BRD2: variants seen among roughly 807,000 people sequenced by gnomAD.
The protein encoded by BRD2 is bromodomain-containing protein 2.
A neutral mutation model predicts 79.1 loss-of-function variants in BRD2; 15 were observed. That is an observed-to-expected ratio of 0.19 (90% CI 0.13 to 0.29). The LOEUF (loss-of-function observed/expected upper bound fraction) is 0.29, where lower values mean the gene tolerates loss of function less well. Ranked by LOEUF, BRD2 falls within the 10% of genes least tolerant of loss-of-function variation. The pLI is 1.00. For missense variants in BRD2, 1,053 were observed against 991.3 expected (o/e 1.06, Z -0.84); for synonymous variants, 488 against 358.6 (o/e 1.36, Z -4.08).
intron 11 of BRD2, 85 bp from the exon 12 acceptor site, chr6:32,980,257 C>A: frequency 6.3e-7 from 1 of 1,583,890 alleles, no homozygotes; most frequent in Non-Finnish European, 8.6e-7. Flanking sequence ...AGCTGACGTT[C>A]AAGAAGGGAA....
Position 32,972,184 on chromosome 6 carries a change from C to G in BRD2, c.-715C>G, listed in dbSNP as rs988764421. 7 of 562,936 alleles carry G rather than the reference C, an allele frequency of 1.2e-5. No individual in the cohort carries two copies. The highest frequency in any genetic ancestry group is 1.9e-5 in the South Asian group (1 of 52,848). The allele number at this position is 562,936 out of a possible 1,614,324, so 34.9% of individuals were successfully genotyped here. ...CCCGCCTATATATAAAGGGCTGGCG[C>G]GGGGCTCGGCGGCGCCATTTCGTGC... On this transcript the variant is annotated 5_prime_UTR_variant, in exon 2 of 13. Transcript: ENST00000374825.
In BRD2 at chr6:32,977,528, T is replaced by TCCC; in HGVS notation, c.1290_1292dup (p.Pro431dup). The TCCC allele has an allele frequency of 6.2e-7, 1 of 1,613,864 alleles. No homozygotes were observed. Among genetic ancestry groups the TCCC allele is most frequent in the Non-Finnish European group, 8.5e-7 (1 of 1,180,010 alleles). ...TGTTCTCCAACTGCTATAAGTACAA[T>TCCC]CCCCCAGATCACGATGTTGTGGCAA... On this transcript the variant is annotated inframe_insertion, in exon 8 of 13. Coordinates refer to ENST00000374825, the MANE Select transcript of BRD2 (RefSeq NM_005104.4).
At position 32,972,756 on chromosome 6, in the gene BRD2, C is replaced by A; in HGVS notation, c.-143C>A. On this transcript the variant is annotated 5_prime_UTR_variant, in exon 2 of 13. Coordinates refer to ENST00000374825, the MANE Select transcript of BRD2 (RefSeq NM_005104.4). ...CCAAAGAGACTGCTTTCGTGCCGGC[C>A]AGGCAGGGGGTTTGTCGCCTGGAGG... is the stretch of plus-strand genomic sequence containing the variant. The A allele has an allele frequency of 3.9e-6, 5 of 1,284,710 alleles. No individual in the cohort carries two copies. The highest frequency in any genetic ancestry group is 5.5e-6 in the Non-Finnish European group (5 of 904,604). The allele number at this position is 1,284,710 out of a possible 1,614,324, so 79.6% of individuals were successfully genotyped here. A position where few individuals can be genotyped will look rare whatever the true frequency, so the allele number is the denominator to read the frequency against.
In BRD2 at chr6:32,976,429, G is replaced by C; in HGVS notation, c.790G>C (p.Val264Leu). Residue 264 changes from valine (V) to leucine (L), a missense_variant, in exon 6 of 13, where the codon GTT becomes CTT. Transcript: ENST00000374825. ...CTCTGCTGGACCCCCGCTCCTTGCT[G>C]TTACTGCAGCTCCTCCAGCCCAGCC... Reference protein sequence around the residue: ...LHSAGPPLLAVTAAPPAQPLA... With the variant: ...LHSAGPPLLALTAAPPAQPLA... 1 of 1,611,788 alleles carries C rather than the reference G, an allele frequency of 6.2e-7. No homozygotes were observed. Among genetic ancestry groups the C allele is most frequent in the Non-Finnish European group, 8.5e-7 (1 of 1,180,026 alleles).
At chr6:32,969,111 G>A (rs1777716850) in intron 1 of BRD2, 55 bp downstream of exon 1, 1 of 536,674 alleles carries the variant, frequency 1.9e-6, no homozygotes, top group Admixed American at 3.1e-5. Flanking sequence ...AACCAATGGT[G>A]GGGAGTCCGG....
At position 32,977,984 on chromosome 6, in the gene BRD2, C is replaced by T. The variant is rs1188685636; in HGVS notation, c.1557C>T (p.Arg519=). 6.2e-7 allele frequency: 1 copy of T among 1,610,798 alleles called. No homozygotes were observed. The highest frequency in any genetic ancestry group is 8.5e-7 in the Non-Finnish European group (1 of 1,180,010). ...SSDSEEERAH[R]LAELQEQLRA... ...ACTCAGAGGAAGAAAGGGCTCATCGCTTAGCAGAACTACAGGAACAGGTAT... is the reference window on the plus strand; with the variant it reads ...ACTCAGAGGAAGAAAGGGCTCATCGTTTAGCAGAACTACAGGAACAGGTAT... Residue 519 remains arginine, a synonymous_variant, in exon 9 of 13, where the codon CGC becomes CGT. Coordinates refer to ENST00000374825, the MANE Select transcript of BRD2 (RefSeq NM_005104.4).
At position 32,972,017 on chromosome 6, in the gene BRD2, G is replaced by A. The variant is rs1157587267; in HGVS notation, c.-882G>A. ...GTTTATGACGTCATCGTTGCGGCTG[G>A]CCAATAGAAAAAGCTCCCGCGGAGA... On this transcript the variant is annotated 5_prime_UTR_variant, in exon 2 of 13. Coordinates refer to ENST00000374825, the MANE Select transcript of BRD2 (RefSeq NM_005104.4). 1.4e-6 allele frequency: 1 copy of A among 702,270 alleles called. No individual in the cohort carries two copies. Among genetic ancestry groups the A allele is most frequent in the Non-Finnish European group, 2.6e-6 (1 of 384,872 alleles). The allele number at this position is 702,270 out of a possible 1,614,324, so 43.5% of individuals were successfully genotyped here.
chr6:32,971,743 C>T lies in BRD2; in HGVS notation c.-1156C>T, dbSNP rs1330466137. ...ATGGAGGAGCTACGAATGGCACGACCTGCTCGAGCTTGGCAGTCTCCAGTT... is the reference window on the plus strand; with the variant it reads ...ATGGAGGAGCTACGAATGGCACGACTTGCTCGAGCTTGGCAGTCTCCAGTT... On this transcript the variant is annotated 5_prime_UTR_variant, in exon 2 of 13. Coordinates refer to ENST00000374825, the MANE Select transcript of BRD2 (RefSeq NM_005104.4). 3 of 579,906 alleles carry T rather than the reference C, an allele frequency of 5.2e-6. No individual in the cohort carries two copies. The highest frequency in any genetic ancestry group is 3.8e-5 in the African/African-American group (2 of 52,002). The allele number at this position is 579,906 out of a possible 1,614,324, so 35.9% of individuals were successfully genotyped here. A position where few individuals can be genotyped will look rare whatever the true frequency, so the allele number is the denominator to read the frequency against.
At chr6:32,974,342 C>T (rs1778431477) in intron 2 of BRD2, 120 bp from the exon 3 acceptor site, 1 of 974,680 alleles carries the variant, frequency 1.0e-6, no homozygotes, top group East Asian at 2.4e-5. Context: ...GCTTAAGAAG[C>T]ACTTGGCATA....
In BRD2 at chr6:32,972,273, C is replaced by T. The variant is rs1229641219; in HGVS notation, c.-626C>T. 9.4e-6 allele frequency: 4 copies of T among 427,192 alleles called. No homozygotes were observed. Among genetic ancestry groups the T allele is most frequent in the East Asian group, 5.3e-5 (1 of 18,794 alleles). The allele number at this position is 427,192 out of a possible 1,614,324, so 26.5% of individuals were successfully genotyped here. ...GCCTACCGATACAGAGCCTTCGAGT[C>T]GTCCGGGGCCGCCATTACAATCCAC... On this transcript the variant is annotated 5_prime_UTR_variant, in exon 2 of 13. Transcript: ENST00000374825.
chr6:32,974,664 C>T lies in BRD2; in HGVS notation c.232C>T (p.Gln78Ter), dbSNP rs1198786124. The T allele has an allele frequency of 1.2e-6, 2 of 1,614,234 alleles. No individual in the cohort carries two copies. Among genetic ancestry groups the T allele is most frequent in the Non-Finnish European group, 1.7e-6 (2 of 1,180,048 alleles). ...NPKKPGRVTN[Q>*]LQYLHKVVMK... is the part of the protein sequence containing the mutation. The stretch of plus-strand genomic sequence containing the variant: ...CAAAAAGCCAGGACGAGTTACCAAC[C>T]AGCTGCAATACCTACACAAGGTAGT... Residue 78 changes from glutamine to a stop codon, truncating the protein, a stop_gained, in exon 3 of 13, where the codon CAG (glutamine) becomes TAG (stop). Transcript: ENST00000374825. LOFTEE classifies it high-confidence loss of function.
At position 32,980,623 on chromosome 6, in the gene BRD2, G is replaced by T. The variant is rs1779407438; in HGVS notation, c.2311G>T (p.Val771Leu). The change falls in exon 13 of 13, where the codon GTG (valine) becomes TTG (leucine). Residue 771 changes from valine to leucine, a missense_variant. This residue lies in a region of BRD2 where 139 missense variants were observed against 133.2 expected (regional missense o/e 1.04). Transcript: ENST00000374825. ...TESSSAQQVA[V>L]SRLSASSSSS... is the part of the protein sequence containing the mutation. ...GTCATCCTCTGCACAGCAAGTAGCA[G>T]TGTCACGCCTTAGCGCTTCCAGCTC... 1 of 1,613,170 alleles carries T rather than the reference G, an allele frequency of 6.2e-7. No homozygotes were observed. The highest frequency in any genetic ancestry group is 8.5e-7 in the Non-Finnish European group (1 of 1,180,044).
At chr6:32,980,292 T>A (rs1561962225) in intron 11 of BRD2, 50 bp from the exon 12 acceptor site, 1 of 1,605,324 alleles carries the variant, frequency 6.2e-7, no homozygotes, top group East Asian at 2.2e-5. Context: ...GGGCCCATAA[T>A]AAGATGCTTG....
In BRD2 at chr6:32,972,276, C is replaced by T; in HGVS notation, c.-623C>T. 3 of 426,618 alleles carry T rather than the reference C, an allele frequency of 7.0e-6. No homozygotes were observed. The highest frequency in any genetic ancestry group is 4.4e-6 in the Non-Finnish European group (1 of 226,900). 26.4% of individuals were successfully genotyped at this position (426,618 alleles called of 1,614,324 possible). A position where few individuals can be genotyped will look rare whatever the true frequency, so the allele number is the denominator to read the frequency against. On this transcript the variant is annotated 5_prime_UTR_variant, in exon 2 of 13. Transcript: ENST00000374825. Reference sequence around the variant, plus strand: ...TACCGATACAGAGCCTTCGAGTCGTCCGGGGCCGCCATTACAATCCACCTC... The same window carrying T: ...TACCGATACAGAGCCTTCGAGTCGTTCGGGGCCGCCATTACAATCCACCTC...
intron 2 of BRD2, among the ~76,000 whole-genome samples, chr6:32,974,115 T>A (rs1778396684): frequency 6.6e-6 from 1 of 152,174 alleles, no homozygotes; most frequent in South Asian, 2.1e-4. Flanking sequence ...GTTTCTTAAC[T>A]CCACCCATTT....
Position 32,976,777 on chromosome 6 carries a change from A to G in BRD2, c.1041A>G (p.Ser347=). 6.2e-7 allele frequency: 1 copy of G among 1,613,334 alleles called. No homozygotes were observed. Among genetic ancestry groups the G allele is most frequent in the East Asian group, 2.2e-5 (1 of 44,890 alleles). Residue 347 remains serine, a synonymous_variant, in exon 7 of 13, where the codon TCA becomes TCG. Coordinates refer to ENST00000374825, the MANE Select transcript of BRD2 (RefSeq NM_005104.4). ...QHQSSKKGKL[S]EQLKHCNGIL... ...AGAGCTCTAAGAAAGGAAAGCTTTC[A>G]GAACAGTTAAAACATTGCAATGGCA...
At chr6:32,975,555 G>A (rs912924810) in intron 4 of BRD2, 34 bp downstream of exon 4, 8 of 1,605,766 alleles carry the variant, frequency 5.0e-6, no homozygotes, top group African/African-American at 1.3e-5. Context: ...TAGTAGGTGG[G>A]GAGAAACAGT....
chr6:32,976,440 T>A lies in BRD2; in HGVS notation c.801T>A (p.Ala267=), dbSNP rs1266870200. The change falls in exon 6 of 13, where the codon GCT becomes GCA. Residue 267 remains alanine, a synonymous_variant. Coordinates refer to ENST00000374825, the MANE Select transcript of BRD2 (RefSeq NM_005104.4). ...AGPPLLAVTA[A]PPAQPLAKKK... is the part of the protein sequence containing the mutation. The stretch of plus-strand genomic sequence containing the variant: ...CCCCGCTCCTTGCTGTTACTGCAGC[T>A]CCTCCAGCCCAGCCCCTTGCCAAGG... The A allele has an allele frequency of 1.2e-6, 2 of 1,611,034 alleles. No homozygotes were observed. Among genetic ancestry groups the A allele is most frequent in the Non-Finnish European group, 8.5e-7 (1 of 1,180,006 alleles).
At chr6:32,973,437 C>A (rs12196597) in intron 2 of BRD2, among the ~76,000 whole-genome samples, 17,803 of 152,140 alleles carry the variant, frequency 0.12, 1,281 homozygotes, top group East Asian at 0.25. Context: ...CTTTTGCTTT[C>A]TTTGGGTGGG....
Sources: gnomAD v4.1 joint callset for allele counts (sites outside exome capture counted in the v4.1 genomes callset) on GRCh38, gnomAD v4.1.1 for gene constraint, gnomAD v4.1.1 regional missense constraint, MANE v1.5 for transcripts, NCBI Gene and HGNC (gene_info 2026-07-23, HGNC 2026-07-21) for gene names.